RXFP2: variants seen among roughly 807,000 people sequenced by gnomAD.
RXFP2 encodes relaxin family peptide receptor 2, also known as relaxin receptor 2.
In RXFP2, 68 loss-of-function variants were observed where a neutral mutation model predicts 88.6. The observed-to-expected ratio is 0.77, with a 90% CI of 0.63 to 0.94. RXFP2 has a LOEUF of 0.94. RXFP2 is among the 40% of genes least tolerant of loss of function. The probability of loss-of-function intolerance (pLI) is 0.00; values close to 1 mark genes in which losing one functional copy is unlikely to be tolerated. For missense variants in RXFP2, 791 were observed against 893.9 expected (o/e 0.88, Z 1.47); for synonymous variants, 329 against 306.8 (o/e 1.07, Z -0.76).
Position 31,782,751 on chromosome 13 carries a change from A to G in RXFP2, c.929+4A>G. The G allele has an allele frequency of 6.5e-7, 1 of 1,540,660 alleles. No homozygotes were observed. The highest frequency in any genetic ancestry group is 9.0e-7 in the Non-Finnish European group (1 of 1,113,248). ...CATTAAAAAATTTAGGAGAACTGTA[A>G]GTAGCATCGTCTACTAGGAAAATAT... On this transcript the variant is annotated splice_donor_region_variant and intron_variant, in intron 11 of 17. Transcript: ENST00000298386.
At chr13:31,750,553 C>A (rs1052309021) in intron 1 of RXFP2, among the ~76,000 whole-genome samples, 1 of 152,034 alleles carries the variant, frequency 6.6e-6, no homozygotes, top group Non-Finnish European at 1.5e-5. Flanking sequence ...TGATCTAACG[C>A]ATGTCAGAGA....
At chr13:31,740,408 C>T (rs988225393) in intron 1 of RXFP2, among the ~76,000 whole-genome samples, 1 of 151,954 alleles carries the variant, frequency 6.6e-6, no homozygotes, top group Non-Finnish European at 1.5e-5. Context: ...ACCTATTAAC[C>T]ACACCCAAGA....
At position 31,781,651 on chromosome 13, in the gene RXFP2, C is replaced by T; in HGVS notation, c.786-20C>T. 1.3e-6 allele frequency: 2 copies of T among 1,549,910 alleles called. No homozygotes were observed. Among genetic ancestry groups the T allele is most frequent in the South Asian group, 2.2e-5 (2 of 89,474 alleles). ...TTTGTACAAAAAATATTAAAAATATCTTTCCTCCATGACTTCCAGGGATTT... is the reference window on the plus strand; with the variant it reads ...TTTGTACAAAAAATATTAAAAATATTTTTCCTCCATGACTTCCAGGGATTT... On this transcript the variant is annotated intron_variant, in intron 9 of 17. Transcript: ENST00000298386.
chr13:31,789,182 T>C lies in RXFP2; in HGVS notation c.1134T>C (p.Asn378=). The C allele has an allele frequency of 6.2e-7, 1 of 1,600,270 alleles. No individual in the cohort carries two copies. Among genetic ancestry groups the C allele is most frequent in the Non-Finnish European group, 8.6e-7 (1 of 1,168,642 alleles). Residue 378 remains asparagine (N), a synonymous_variant, in exon 14 of 18, where the codon AAT becomes AAC. Coordinates refer to ENST00000298386, the MANE Select transcript of RXFP2 (RefSeq NM_130806.5). ...CACGAATGTTTCAACCCATGAAGAA[T>C]CTTTCTCACATGTACGTATGTATAA... ...INTRMFQPMK[N]LSHIYFKNFR...
Position 31,789,049 on chromosome 13 carries a change from G to T in RXFP2, c.1074-73G>T. On this transcript the variant is annotated intron_variant, in intron 13 of 17. Coordinates refer to ENST00000298386, the MANE Select transcript of RXFP2 (RefSeq NM_130806.5). Reference sequence around the variant, plus strand: ...ATAAGATCTTGAAGCATTATATTTCGGATATGATGAAGAATGCAATTATTA... The same window carrying T: ...ATAAGATCTTGAAGCATTATATTTCTGATATGATGAAGAATGCAATTATTA... The T allele has an allele frequency of 2.2e-6, 2 of 901,094 alleles. 1 individual carries two copies. The highest frequency in any genetic ancestry group is 3.7e-6 in the Non-Finnish European group (2 of 539,736). The allele number at this position is 901,094 out of a possible 1,614,324, so 55.8% of individuals were successfully genotyped here.
At position 31,782,713 on chromosome 13, in the gene RXFP2, A is replaced by AAG; in HGVS notation, c.897_898dup (p.Thr300ArgfsTer6). 1 of 1,611,394 alleles carries AAG rather than the reference A, an allele frequency of 6.2e-7. No individual in the cohort carries two copies. Among genetic ancestry groups the AAG allele is most frequent in the South Asian group, 1.1e-5 (1 of 91,018 alleles). ...AAATCAAATTGGTTTTGTTCCAGAG[A>AAG]AGACATTTTCTTCATTAAAAAATTT... is the stretch of plus-strand genomic sequence containing the variant. On this transcript the variant is annotated frameshift_variant, in exon 11 of 18. Transcript: ENST00000298386. LOFTEE classifies it high-confidence loss of function.
chr13:31,778,249 T>C (rs1873088133), intron 8 of RXFP2, among the ~76,000 whole-genome samples: 1 of 152,224 alleles, frequency 6.6e-6, no homozygotes, highest in Admixed American at 6.5e-5. Context: ...TATATACTTT[T>C]GTTTCATCTC....
At chr13:31,763,615 A>T (rs1438614587) in intron 3 of RXFP2, among the ~76,000 whole-genome samples, 2 of 130,906 alleles carry the variant, frequency 1.5e-5, no homozygotes, top group Non-Finnish European at 3.5e-5. Context: ...CATTGAGAAG[A>T]TTGAGGTAGA....
At position 31,763,507 on chromosome 13, in the gene RXFP2, C is replaced by T. The variant is rs540654045; in HGVS notation, c.320-1530C>T. 2.8e-4 allele frequency among the ~76,000 whole-genome samples: 42 copies of T among 152,184 alleles called. No individual in the cohort carries two copies. In the South Asian group the frequency reaches 4.6e-3, roughly 17 times the overall value. Reference sequence around the variant, plus strand: ...AAGGACAGCCTCCCATGACAAAGAACGATTGATCCAAAATGTCAATCATGT... The same window carrying T: ...AAGGACAGCCTCCCATGACAAAGAATGATTGATCCAAAATGTCAATCATGT... On this transcript the variant is annotated intron_variant, in intron 3 of 17. Transcript: ENST00000298386.
At chr13:31,751,989 T>C (rs1367221093) in intron 1 of RXFP2, among the ~76,000 whole-genome samples, 1 of 152,178 alleles carries the variant, frequency 6.6e-6, no homozygotes, top group Non-Finnish European at 1.5e-5. Flanking sequence ...GCAGAAATAA[T>C]ACTTTTGGAA....
At chr13:31,757,146 T>C (rs1038609130) in intron 1 of RXFP2, among the ~76,000 whole-genome samples, 2 of 152,190 alleles carry the variant, frequency 1.3e-5, no homozygotes, top group East Asian at 1.9e-4. Context: ...TCAACTATCA[T>C]TGGTCTTCTC....
chr13:31,799,359 G>A (rs969656297), intron 17 of RXFP2, among the ~76,000 whole-genome samples: 1 of 152,098 alleles, frequency 6.6e-6, no homozygotes, highest in Non-Finnish European at 1.5e-5. Flanking sequence ...TTACAGAAGT[G>A]CACCACCACA....
intron 5 of RXFP2, among the ~76,000 whole-genome samples, chr13:31,770,766 C>T (rs533237800): frequency 8.2e-4 from 125 of 152,244 alleles, no homozygotes; most frequent in African/African-American, 2.8e-3. Flanking sequence ...CTTTCCTTCT[C>T]GAAGGAACAA....
chr13:31,795,107 T>C (rs1873964197), intron 16 of RXFP2, among the ~76,000 whole-genome samples: 1 of 152,144 alleles, frequency 6.6e-6, no homozygotes, highest in African/African-American at 2.4e-5. Context: ...GTTTCCCCTA[T>C]TGTTAACATC....
At position 31,739,574 on chromosome 13, in the gene RXFP2, A is replaced by G. The variant is rs1185003348; in HGVS notation, c.-39A>G. 3 of 1,308,030 alleles carry G rather than the reference A, an allele frequency of 2.3e-6. No individual in the cohort carries two copies. The highest frequency in any genetic ancestry group is 3.3e-6 in the Non-Finnish European group (3 of 901,214). The allele number at this position is 1,308,030 out of a possible 1,614,324, so 81.0% of individuals were successfully genotyped here. A position where few individuals can be genotyped will look rare whatever the true frequency, so the allele number is the denominator to read the frequency against. The stretch of plus-strand genomic sequence containing the variant: ...ACTACATCAGAACTCCTGCTGAGGT[A>G]TAAGAGGATACGTCTAATAACTCAA... On this transcript the variant is annotated 5_prime_UTR_variant, in exon 1 of 18. Coordinates refer to ENST00000298386, the MANE Select transcript of RXFP2 (RefSeq NM_130806.5).
At chr13:31,756,035 T>A (rs1871929920) in intron 1 of RXFP2, among the ~76,000 whole-genome samples, 1 of 151,716 alleles carries the variant, frequency 6.6e-6, no homozygotes, top group South Asian at 2.1e-4. Flanking sequence ...ATCTCCAGGG[T>A]CATCAGGACT....
At position 31,766,121 on chromosome 13, in the gene RXFP2, T is replaced by C. The variant is rs536232911; in HGVS notation, c.497+94T>C. The C allele has an allele frequency of 5.9e-4, 425 of 721,672 alleles. 4 individuals are homozygous for C. The South Asian group carries it at 6.4e-3, about 11-fold the overall frequency. 44.7% of individuals were successfully genotyped at this position (721,672 alleles called of 1,614,324 possible). On this transcript the variant is annotated intron_variant, in intron 5 of 17. Transcript: ENST00000298386. The stretch of plus-strand genomic sequence containing the variant: ...AAAAATAAAATATTGTTTGTTATCT[T>C]TATCATTACATTTATGTTTCTAAAT...
At chr13:31,786,247 G>A in intron 11 of RXFP2, 136 bp from the exon 12 acceptor site, 1 of 743,754 alleles carries the variant, frequency 1.3e-6, no homozygotes, top group Non-Finnish European at 2.4e-6. Context: ...GCCCTGTTGT[G>A]TAACAAGTTA....
chr13:31,752,042 A>G (rs1469822377), intron 1 of RXFP2, among the ~76,000 whole-genome samples: 1 of 152,226 alleles, frequency 6.6e-6, no homozygotes, highest in African/African-American at 2.4e-5. Context: ...TAACCCACCA[A>G]CAGCCACAGC....
Sources: allele counts gnomAD v4.1 joint callset (sites outside exome capture counted in the v4.1 genomes callset), GRCh38; gene constraint gnomAD v4.1.1; transcripts MANE v1.5; gene names NCBI Gene and HGNC (gene_info 2026-07-23, HGNC 2026-07-21).